Variants in BBS10 observed in about 807,000 individuals in gnomAD.
BBS10 encodes BBSome complex assembly protein BBS10.
Under a neutral mutation model 12.7 loss-of-function variants are expected in BBS10, and 13 were observed. The observed-to-expected ratio is 1.03, with a 90% CI of 0.67 to 1.63. The LOEUF is 1.63. BBS10 is among the 40% of genes most tolerant of loss of function. The probability of loss-of-function intolerance (pLI) is 0.00; values close to 1 mark genes in which losing one functional copy is unlikely to be tolerated. For synonymous variants in BBS10, 294 were observed against 304.8 expected (o/e 0.96, Z 0.37); for missense variants, 858 against 858.0 (o/e 1.00, Z 0.00).
rs748933585 is a variant in BBS10, at chr12:76,346,913, A to G, written c.1072T>C (p.Ser358Pro). 1.9e-6 allele frequency: 3 copies of G among 1,612,590 alleles called. No individual in the cohort carries two copies. Among genetic ancestry groups the G allele is most frequent in the Middle Eastern group, 1.7e-4 (1 of 6,060 alleles). The change falls in exon 2 of 2, where the codon TCG becomes CCG. Residue 358 changes from serine to proline, a missense_variant. Transcript: ENST00000650064. ...LSPFVPPQAF[S>P]QCEIPNTALV... is the part of the protein sequence containing the mutation. ...GCAGTGTTAGGTATTTCACACTGCGAAAAGGCCTGTGGTGGTACAAATGGA... is the reference window on the plus strand; with the variant it reads ...GCAGTGTTAGGTATTTCACACTGCGGAAAGGCCTGTGGTGGTACAAATGGA...
Position 76,345,658 on chromosome 12 carries a change from T to C in BBS10, c.*155A>G, listed in dbSNP as rs1951751971. 8 of 675,996 alleles carry C rather than the reference T, an allele frequency of 1.2e-5. No homozygotes were observed. The South Asian group carries it at 1.4e-4, about 12-fold the overall frequency. 41.9% of individuals were successfully genotyped at this position (675,996 alleles called of 1,614,324 possible). On this transcript the variant is annotated 3_prime_UTR_variant, in exon 2 of 2. Transcript: ENST00000650064. ...TCCATAAAGTAATTTAATATTTGTA[T>C]CTGGTCTGGTGACCTTAGTGTGCTT...
chr12:76,344,813 A>G lies in BBS10; in HGVS notation c.*1000T>C, dbSNP rs1951747536. ...GAGTAAATACAGCACTGTTTTGGGT[A>G]TTACAGAGAACTGATAAAGGTAGAA... On this transcript the variant is annotated 3_prime_UTR_variant, in exon 2 of 2. Transcript: ENST00000650064. 2 of 152,182 alleles carry G rather than the reference A, an allele frequency of 1.3e-5. No individual in the cohort carries two copies. The highest frequency in any genetic ancestry group is 4.8e-5 in the African/African-American group (2 of 41,466). 9.4% of individuals were successfully genotyped at this position (152,182 alleles called of 1,614,324 possible).
chr12:76,347,099 C>T lies in BBS10; in HGVS notation c.886G>A (p.Ala296Thr), dbSNP rs150587582. The T allele has an allele frequency of 5.4e-4, 871 of 1,612,592 alleles. 1 individual carries two copies. Among genetic ancestry groups the T allele is most frequent in the Non-Finnish European group, 6.9e-4 (815 of 1,179,692 alleles). The change falls in exon 2 of 2, where the codon GCA (alanine) becomes ACA (threonine). Residue 296 changes from alanine (A) to threonine (T), a missense_variant. Ala to Thr is a moderately conservative substitution (Grantham distance 58). Transcript: ENST00000650064. ...TGACTATGTAGATGTTTCATTATTG[C>T]TTTTGTCTTTTCCATAATCCAAAAT... ...SQFWIMEKTK[A>T]IMKHLHSQNV...
At position 76,347,321 on chromosome 12, in the gene BBS10, T is replaced by G; in HGVS notation, c.664A>C (p.Asn222His). The G allele has an allele frequency of 1.2e-6, 2 of 1,613,996 alleles. No homozygotes were observed. The highest frequency in any genetic ancestry group is 1.7e-6 in the Non-Finnish European group (2 of 1,180,000). ...ELVDDHFVEL[N>H]VGVTGLPVSD... ...ACAGGAAGGCCAGTGACACCAACAT[T>G]CAACTCTACAAAATGGTCATCCACT... The change falls in exon 2 of 2, where the codon AAT (asparagine) becomes CAT (histidine). Residue 222 changes from asparagine (N) to histidine (H), a missense_variant. By Grantham distance (68) the Asn-to-His change is moderately conservative (BLOSUM62 1). Transcript: ENST00000650064.
chr12:76,345,905 A>C lies in BBS10; in HGVS notation c.2080T>G (p.Cys694Gly). 6.2e-7 allele frequency: 1 copy of C among 1,613,966 alleles called. No individual in the cohort carries two copies. The highest frequency in any genetic ancestry group is 8.5e-7 in the Non-Finnish European group (1 of 1,179,854). ...TCAATGGTTAATATTTTTGTCAAAC[A>C]CTGAAGAACTGAAGTTAGTAGCTGG... ...KYQLLTSVLQ[C>G]LTKILTIDMV... The change falls in exon 2 of 2, where the codon TGT becomes GGT. Residue 694 changes from cysteine to glycine, a missense_variant. Coordinates refer to ENST00000650064, the MANE Select transcript of BBS10 (RefSeq NM_024685.4).
In BBS10 at chr12:76,345,118, T is replaced by C. The variant is rs894480247; in HGVS notation, c.*695A>G. 1 of 152,164 alleles carries C rather than the reference T, an allele frequency of 6.6e-6. No individual in the cohort carries two copies. The highest frequency in any genetic ancestry group is 2.4e-5 in the African/African-American group (1 of 41,446). 9.4% of individuals were successfully genotyped at this position (152,164 alleles called of 1,614,324 possible). ...CATATCCTTTCTAGTATTAACCTTT[T>C]ACTACAGAAATGAAAGAGTTAACAA... On this transcript the variant is annotated 3_prime_UTR_variant, in exon 2 of 2. Transcript: ENST00000650064.
rs757355846 is a variant in BBS10, at chr12:76,347,301, A to G, written c.684T>C (p.Leu228=). 1.9e-6 allele frequency: 3 copies of G among 1,613,980 alleles called. No homozygotes were observed. Among genetic ancestry groups the G allele is most frequent in the Non-Finnish European group, 2.5e-6 (3 of 1,180,020 alleles). Residue 228 remains leucine, a synonymous_variant, in exon 2 of 2, where the codon CTT becomes CTC. Coordinates refer to ENST00000650064, the MANE Select transcript of BBS10 (RefSeq NM_024685.4). ...CTATGATCCTGGAATCTGAAACAGG[A>G]AGGCCAGTGACACCAACATTCAACT... is the stretch of plus-strand genomic sequence containing the variant. ...FVELNVGVTG[L]PVSDSRIIAG... is the part of the protein sequence containing the mutation.
At position 76,346,250 on chromosome 12, in the gene BBS10, T is replaced by G. The variant is rs200460631; in HGVS notation, c.1735A>C (p.Lys579Gln). 4.8e-5 allele frequency: 78 copies of G among 1,612,260 alleles called. No individual in the cohort carries two copies. The highest frequency in any genetic ancestry group is 2.5e-6 in the Non-Finnish European group (3 of 1,179,134). ...TGGGAAGTACCCATATTCGGTAACT[T>G]ACAGCTCACTGGTAACATGCTTCCC... ...RKGSMLPVSC[K>Q]LPNMGTSQSY... Residue 579 changes from lysine to glutamine, a missense_variant, in exon 2 of 2, where the codon AAG becomes CAG. Coordinates refer to ENST00000650064, the MANE Select transcript of BBS10 (RefSeq NM_024685.4).
Position 76,346,724 on chromosome 12 carries a change from G to A in BBS10, c.1261C>T (p.Leu421Phe), listed in dbSNP as rs201172547. Reference protein sequence around the residue: ...EDALHGALKMLRQLFKDLDLN... With the variant: ...EDALHGALKMFRQLFKDLDLN... ...TCAAGGTCTTTAAATAATTGCCGAA[G>A]CATTTTAAGTGCTCCATGTAAAGCA... is the stretch of plus-strand genomic sequence containing the variant. The change falls in exon 2 of 2, where the codon CTT becomes TTT. Residue 421 changes from leucine (L) to phenylalanine (F), a missense_variant. Transcript: ENST00000650064. 1 of 1,614,006 alleles carries A rather than the reference G, an allele frequency of 6.2e-7. No individual in the cohort carries two copies. The highest frequency in any genetic ancestry group is 2.2e-5 in the East Asian group (1 of 44,884).
rs535551803 is a variant in BBS10 at position 76,345,577 on chromosome 12, A to T, written c.*236T>A. On this transcript the variant is annotated 3_prime_UTR_variant, in exon 2 of 2. Coordinates refer to ENST00000650064, the MANE Select transcript of BBS10 (RefSeq NM_024685.4). ...CACAGAGCTGAGACACAGAGGCATA[A>T]AATAGGGAAAAAACAGACACACTTA... 4.1e-6 allele frequency: 2 copies of T among 486,866 alleles called. No individual in the cohort carries two copies. Among genetic ancestry groups the T allele is most frequent in the Admixed American group, 6.5e-5 (2 of 30,598 alleles). 30.2% of individuals were successfully genotyped at this position (486,866 alleles called of 1,614,324 possible).
Position 76,347,579 on chromosome 12 carries a change from A to G in BBS10, c.406T>C (p.Phe136Leu), listed in dbSNP as rs769181256. 3 of 1,613,844 alleles carry G rather than the reference A, an allele frequency of 1.9e-6. No individual in the cohort carries two copies. Among genetic ancestry groups the G allele is most frequent in the Admixed American group, 3.3e-5 (2 of 60,026 alleles). Reference sequence around the variant, plus strand: ...ATACCGTCTAATATTTGTGTCTGAAACGTTAGGAGAGCCTGGGAAATAAAT... The same window carrying G: ...ATACCGTCTAATATTTGTGTCTGAAGCGTTAGGAGAGCCTGGGAAATAAAT... ...WKFISQALLT[F>L]QTQILDGIMD... The change falls in exon 2 of 2, where the codon TTT (phenylalanine) becomes CTT (leucine). Residue 136 changes from phenylalanine (F) to leucine (L), a missense_variant. Transcript: ENST00000650064.
In BBS10 at chr12:76,346,392, G is replaced by C; in HGVS notation, c.1593C>G (p.Asn531Lys). The change falls in exon 2 of 2, where the codon AAC becomes AAG. Residue 531 changes from asparagine to lysine, a missense_variant. Coordinates refer to ENST00000650064, the MANE Select transcript of BBS10 (RefSeq NM_024685.4). ...ATGGTTCATAATAATCAGTTAGCCT[G>C]TTTCTTTCCAAAGACAAACATGTCA... Reference protein sequence around the residue: ...ETLTCLSLERNRLTDYYEPLL... With the variant: ...ETLTCLSLERKRLTDYYEPLL... 6.2e-7 allele frequency: 1 copy of C among 1,614,060 alleles called. No individual in the cohort carries two copies. Among genetic ancestry groups the C allele is most frequent in the Non-Finnish European group, 8.5e-7 (1 of 1,179,952 alleles).
Position 76,345,847 on chromosome 12 carries a change from TTC to T in BBS10, c.2136_2137del (p.Lys713SerfsTer9). The T allele has an allele frequency of 1.9e-6, 3 of 1,613,844 alleles. No homozygotes were observed. Among genetic ancestry groups the T allele is most frequent in the Non-Finnish European group, 2.5e-6 (3 of 1,179,786 alleles). Reference sequence around the variant, plus strand: ...ATCTTCTGAATCTTGATTGTGAACTTTCTGAGGGTGTCTCTTAACAGTGATTA... The same window carrying T: ...ATCTTCTGAATCTTGATTGTGAACTTTGAGGGTGTCTCTTAACAGTGATTA... On this transcript the variant is annotated frameshift_variant, in exon 2 of 2. Transcript: ENST00000650064. LOFTEE classifies it high-confidence loss of function.
chr12:76,346,474 A>G lies in BBS10; in HGVS notation c.1511T>C (p.Ile504Thr). The G allele has an allele frequency of 6.2e-7, 1 of 1,614,096 alleles. No individual in the cohort carries two copies. The highest frequency in any genetic ancestry group is 8.5e-7 in the Non-Finnish European group (1 of 1,179,954). ...TGTCAGTGTGGGGGTTGAATACGGA[A>G]TATATGTTTCTAATTCTACATCTGG... ...VIPDVELETY[I>T]PYSTPTLTPT... Residue 504 changes from isoleucine to threonine, a missense_variant, in exon 2 of 2, where the codon ATT becomes ACT. Coordinates refer to ENST00000650064, the MANE Select transcript of BBS10 (RefSeq NM_024685.4).
At position 76,346,648 on chromosome 12, in the gene BBS10, A is replaced by G. The variant is rs1325281983; in HGVS notation, c.1337T>C (p.Phe446Ser). 1 of 1,614,018 alleles carries G rather than the reference A, an allele frequency of 6.2e-7. No individual in the cohort carries two copies. The highest frequency in any genetic ancestry group is 1.1e-5 in the South Asian group (1 of 91,080). The change falls in exon 2 of 2, where the codon TTT (phenylalanine) becomes TCT (serine). Residue 446 changes from phenylalanine to serine, a missense_variant. Physicochemically the swap from Phe to Ser is radical, Grantham distance 155. Transcript: ENST00000650064. ...ACTTTCTCCACTGTTCTTATAAATA[A>G]AAAGACTTGAAGTGCCATTTTGGTC... The part of the protein sequence containing the change: ...TNDQNGTSSL[F>S]IYKNSGESYQ...
Position 76,347,381 on chromosome 12 carries a change from T to A in BBS10, c.604A>T (p.Met202Leu). The A allele has an allele frequency of 6.2e-7, 1 of 1,614,080 alleles. No individual in the cohort carries two copies. The highest frequency in any genetic ancestry group is 8.5e-7 in the Non-Finnish European group (1 of 1,179,990). Residue 202 changes from methionine (M) to leucine (L), a missense_variant, in exon 2 of 2, where the codon ATG (methionine) becomes TTG (leucine). Coordinates refer to ENST00000650064, the MANE Select transcript of BBS10 (RefSeq NM_024685.4). ...QLMCDYFFKC[M>L]TCKSGIGVFE... Reference sequence around the variant, plus strand: ...ACACCAATCCCACTTTTACAAGTCATACACTTGAAAAAGTAGTCACACATC... The same window carrying A: ...ACACCAATCCCACTTTTACAAGTCAAACACTTGAAAAAGTAGTCACACATC...
chr12:76,348,330 G>C lies in BBS10; in HGVS notation c.29C>G (p.Ser10Cys). Residue 10 changes from serine (S) to cysteine (C), a missense_variant, in exon 1 of 2, where the codon TCT becomes TGT. Transcript: ENST00000650064. ...GGCCACCTGCAACGCCGCCTTCACA[G>C]ACCCTGCAGCGGCCATAGAACTTAA... is the stretch of plus-strand genomic sequence containing the variant. Reference protein sequence around the residue: MLSSMAAAGSVKAALQVAEV... With the variant: MLSSMAAAGCVKAALQVAEV... 1 of 1,605,964 alleles carries C rather than the reference G, an allele frequency of 6.2e-7. No individual in the cohort carries two copies.
rs1371897868 is a variant in BBS10 at position 76,348,363 on chromosome 12, G to T, written c.-5C>A. Reference sequence around the variant, plus strand: ...AGCGGCCATAGAACTTAACATATCTGGGCCGCTTCCCCTTTTTGACCAGCT... The same window carrying T: ...AGCGGCCATAGAACTTAACATATCTTGGCCGCTTCCCCTTTTTGACCAGCT... On this transcript the variant is annotated 5_prime_UTR_variant, in exon 1 of 2. Transcript: ENST00000650064. 1 of 1,574,970 alleles carries T rather than the reference G, an allele frequency of 6.3e-7. No homozygotes were observed. Among genetic ancestry groups the T allele is most frequent in the Admixed American group, 1.8e-5 (1 of 54,276 alleles).
chr12:76,345,576 A>G lies in BBS10; in HGVS notation c.*237T>C. 1 of 483,458 alleles carries G rather than the reference A, an allele frequency of 2.1e-6. No homozygotes were observed. Among genetic ancestry groups the G allele is most frequent in the Non-Finnish European group, 3.8e-6 (1 of 265,088 alleles). The allele number at this position is 483,458 out of a possible 1,614,324, so 29.9% of individuals were successfully genotyped here. A position where few individuals can be genotyped will look rare whatever the true frequency, so the allele number is the denominator to read the frequency against. ...ACACAGAGCTGAGACACAGAGGCAT[A>G]AAATAGGGAAAAAACAGACACACTT... On this transcript the variant is annotated 3_prime_UTR_variant, in exon 2 of 2. Coordinates refer to ENST00000650064, the MANE Select transcript of BBS10 (RefSeq NM_024685.4).
Sources: gnomAD v4.1 joint callset for allele counts on GRCh38, gnomAD v4.1.1 for gene constraint, MANE v1.5 for transcripts, NCBI Gene and HGNC (gene_info 2026-07-23, HGNC 2026-07-21) for gene names.